The following BCAR1 variants were observed in gnomAD, a reference collection of about 807,000 sequenced individuals.
BCAR1 encodes BCAR1 scaffold protein, Cas family member, also known as breast cancer anti-estrogen resistance protein 1.
A neutral mutation model predicts 67.6 loss-of-function variants in BCAR1; 30 were observed. The ratio of observed to expected loss-of-function variants is 0.44; its 90% CI spans 0.33 to 0.60. The LOEUF (loss-of-function observed/expected upper bound fraction) is 0.60, where lower values mean the gene tolerates loss of function less well. Among genes scored for constraint, BCAR1 ranks in the 20% least tolerant of loss-of-function variants. The pLI, the probability that BCAR1 is intolerant of heterozygous loss-of-function variation, is 0.02. For missense variants in BCAR1, 1,313 were observed against 1,222.3 expected, an observed-to-expected ratio of 1.07 and a Z score of -1.11; for synonymous variants, 626 against 556.7, an observed-to-expected ratio of 1.12 and a Z score of -1.75.
upstream of BCAR1, among the ~76,000 whole-genome samples, chr16:75,253,790 TG>T (rs775015833): frequency 2.6e-5 from 4 of 151,958 alleles, no homozygotes; most frequent in Non-Finnish European, 5.9e-5. Context: ...CCGGGGTATA[TG>T]GGGGCAGAAC....
At chr16:75,243,844 C>T (rs1158782546) in intron 1 of BCAR1, among the ~76,000 whole-genome samples, 1 of 152,214 alleles carries the variant, frequency 6.6e-6, no homozygotes, top group East Asian at 1.9e-4. Flanking sequence ...AGGGAGGCCT[C>T]GCAGTTTCCC....
At chr16:75,252,433 T>C, upstream of BCAR1, 1 of 1,440,840 alleles carries the variant, frequency 6.9e-7, no homozygotes, top group Non-Finnish European at 9.1e-7. Flanking sequence ...GAAGAATCAC[T>C]CGGGGGAAAC....
Position 75,230,008 on chromosome 16 carries a change from G to A in BCAR1, c.2116C>T (p.Arg706Ter), listed in dbSNP as rs2076840383. 2.0e-6 allele frequency: 3 copies of A among 1,537,692 alleles called. No individual in the cohort carries two copies. The highest frequency in any genetic ancestry group is 2.5e-5 in the South Asian group (2 of 78,778). ...LELQQLKQFE[R>*]LEQEVSRPID... The stretch of plus-strand genomic sequence containing the variant: ...GGCCGTGACACCTCCTGTTCCAGTC[G>A]TTCAAACTGCTTCAGCTGGGGCAGG... Residue 706 changes from arginine (R) to a stop codon, truncating the protein, a stop_gained, in exon 7 of 7, where the codon CGA (arginine) becomes TGA (stop). Coordinates refer to ENST00000162330, the MANE Select transcript of BCAR1 (RefSeq NM_014567.5). LOFTEE classifies it high-confidence loss of function.
intron 6 of BCAR1, among the ~76,000 whole-genome samples, chr16:75,233,505 G>C (rs1410048594): frequency 6.6e-6 from 1 of 152,224 alleles, no homozygotes; most frequent in East Asian, 1.9e-4. Flanking sequence ...AATGCCCACA[G>C]GACACCATCC....
chr16:75,266,732 AG>A, intron 1 of BCAR1: 3 of 1,440,278 alleles, frequency 2.1e-6, no homozygotes, highest in African/African-American at 1.4e-5. Flanking sequence ...AGGAAGGACC[AG>A]GGGTCCGACC....
chr16:75,241,013 G>A (rs1187328068), intron 2 of BCAR1, among the ~76,000 whole-genome samples: 2 of 152,278 alleles, frequency 1.3e-5, no homozygotes, highest in East Asian at 1.9e-4. Flanking sequence ...AGGCGGGAGA[G>A]GAGGGGTGGG....
upstream of BCAR1, among the ~76,000 whole-genome samples, chr16:75,256,485 G>C (rs975346716): frequency 3.3e-5 from 5 of 150,394 alleles, no homozygotes; most frequent in African/African-American, 9.8e-5. Flanking sequence ...TGTGTGGGCA[G>C]AGCTGCCAGG....
chr16:75,252,437 G>T, upstream of BCAR1: 1 of 1,435,682 alleles, frequency 7.0e-7, no homozygotes, highest in Admixed American at 2.5e-5. Flanking sequence ...AATCACTCGG[G>T]GGAAACCGAG....
rs923401435 is a variant in BCAR1, at chr16:75,266,698, C to T, written c.66+1217G>A. On this transcript the variant is annotated intron_variant, in intron 1 of 6. Transcript: ENST00000393422. ...CCCCGTTACATTTCATAGGCCCAGG[C>T]ACTGAGATCCCTCACCCACTCAAAG... 1.7e-5 allele frequency: 24 copies of T among 1,378,398 alleles called. 1 individual carries two copies. Among genetic ancestry groups the T allele is most frequent in the Middle Eastern group, 1.9e-4 (1 of 5,400 alleles). The allele number at this position is 1,378,398 out of a possible 1,614,324, so 85.4% of individuals were successfully genotyped here.
At chr16:75,267,990 T>C (rs1344532558) in exon 1 of BCAR1, 1 of 1,572,508 alleles carries the variant, frequency 6.4e-7, no homozygotes. Context: ...TGCCCTCTCC[T>C]GACACTACCA....
Position 75,235,863 on chromosome 16 carries a change from G to C in BCAR1, c.1036C>G (p.Leu346Val), listed in dbSNP as rs949243824. 12 of 1,565,608 alleles carry C rather than the reference G, an allele frequency of 7.7e-6. No homozygotes were observed. Among genetic ancestry groups the C allele is most frequent in the Middle Eastern group, 1.7e-4 (1 of 6,018 alleles). Residue 346 changes from leucine (L) to valine (V), a missense_variant, in exon 5 of 7, where the codon CTG (leucine) becomes GTG (valine). Transcript: ENST00000162330. ...TCTGGAGGGGGCGCAGCCAGTACCAGTGGGGTGCGGGCCGGGTCAAAGGGC... is the reference window on the plus strand; with the variant it reads ...TCTGGAGGGGGCGCAGCCAGTACCACTGGGGTGCGGGCCGGGTCAAAGGGC... ...AKPFDPARTP[L>V]VLAAPPPDSP...
At chr16:75,238,813 G>A in intron 2 of BCAR1, 2 of 985,458 alleles carry the variant, frequency 2.0e-6, no homozygotes, top group Non-Finnish European at 2.4e-6. Flanking sequence ...CAGCGGGGCA[G>A]GCGGGGCGGA....
intron 2 of BCAR1, among the ~76,000 whole-genome samples, chr16:75,239,275 A>G (rs1038349789): frequency 6.6e-6 from 1 of 152,078 alleles, no homozygotes; most frequent in Non-Finnish European, 1.5e-5. Flanking sequence ...GCCCAGGAGG[A>G]GAGAACAGAG....
At chr16:75,255,702 C>A (rs1488175363), upstream of BCAR1, among the ~76,000 whole-genome samples, 1 of 146,058 alleles carries the variant, frequency 6.8e-6, no homozygotes, top group Non-Finnish European at 1.5e-5. Context: ...AAAAAAAAAA[C>A]AAAAAACAGC....
chr16:75,258,831 T>A (rs2077835271), intron 1 of BCAR1, among the ~76,000 whole-genome samples: 1 of 152,020 alleles, frequency 6.6e-6, no homozygotes, highest in Non-Finnish European at 1.5e-5. Context: ...CTTGGCTCAG[T>A]GGTGTGTGCC....
rs776905415 is a variant in BCAR1 at position 75,235,224 on chromosome 16, C to T, written c.1675G>A (p.Gly559Ser). 5 of 1,607,050 alleles carry T rather than the reference C, an allele frequency of 3.1e-6. No homozygotes were observed. The highest frequency in any genetic ancestry group is 1.7e-5 in the Admixed American group (1 of 59,914). ...EDVHQTLVAH[G>S]QALDAGRGGS... ...CCCCGGCCAGCGTCGAGGGCCTGAC[C>T]ATGTGCCACCAGCGTCTGGTGCACG... The change falls in exon 5 of 7, where the codon GGT (glycine) becomes AGT (serine). Residue 559 changes from glycine to serine, a missense_variant. This residue lies in a region of BCAR1 where 1,272 missense variants were observed against 1,137.5 expected (regional missense o/e 1.12). Coordinates refer to ENST00000162330, the MANE Select transcript of BCAR1 (RefSeq NM_014567.5).
chr16:75,241,598 G>C (rs2077343845), intron 2 of BCAR1, among the ~76,000 whole-genome samples: 1 of 152,228 alleles, frequency 6.6e-6, no homozygotes, highest in Non-Finnish European at 1.5e-5. Context: ...CAGTGACCCA[G>C]GTTCCCCTGG....
chr16:75,235,307 T>G lies in BCAR1; in HGVS notation c.1592A>C (p.His531Pro), dbSNP rs965851977. ...FARSAVGNAAHTSDRALHAKL... is the reference protein window; with the variant it reads ...FARSAVGNAAPTSDRALHAKL... ...GGCATGCAGGGCACGGTCAGATGTG[T>G]GGGCAGCATTGCCCACCGCGCTGCG... is the stretch of plus-strand genomic sequence containing the variant. The change falls in exon 5 of 7, where the codon CAC becomes CCC. Residue 531 changes from histidine to proline, a missense_variant. Around this residue, in one of 2 missense-constraint regions of BCAR1, gnomAD observed 1,272 missense variants for 1,137.5 expected, o/e 1.12. Transcript: ENST00000162330. The G allele has an allele frequency of 1.2e-6, 2 of 1,604,542 alleles. No individual in the cohort carries two copies. The highest frequency in any genetic ancestry group is 2.2e-5 in the South Asian group (2 of 90,994).
At chr16:75,240,303 T>C (rs1387526838) in intron 2 of BCAR1, among the ~76,000 whole-genome samples, 1 of 152,156 alleles carries the variant, frequency 6.6e-6, no homozygotes, top group African/African-American at 2.4e-5. Flanking sequence ...GGGGCAGGCC[T>C]GAGGCTTGGA....
Sources: allele counts gnomAD v4.1 joint callset (sites outside exome capture counted in the v4.1 genomes callset), GRCh38; gene constraint gnomAD v4.1.1; regional missense constraint gnomAD v4.1.1; transcripts MANE v1.5; gene names NCBI Gene and HGNC (gene_info 2026-07-23, HGNC 2026-07-21).